Variants in SLC25A37 observed in about 807,000 individuals in gnomAD.
SLC25A37 encodes the protein mitoferrin-1.
Under a neutral mutation model 31.0 loss-of-function variants are expected in SLC25A37, and 17 were observed. The ratio of observed to expected loss-of-function variants is 0.55; its 90% CI spans 0.38 to 0.82. SLC25A37 has a LOEUF of 0.82. Ranked by LOEUF, SLC25A37 falls within the 40% of genes least tolerant of loss-of-function variation. SLC25A37 has a pLI of 0.00. For synonymous variants in SLC25A37, 222 were observed against 193.0 expected, an observed-to-expected ratio of 1.15 and a Z score of -1.24; for missense variants, 404 against 465.8, an observed-to-expected ratio of 0.87 and a Z score of 1.22.
chr8:23,550,631 G>T (rs565587456), intron 1 of SLC25A37, among the ~76,000 whole-genome samples: 1 of 152,222 alleles, frequency 6.6e-6, no homozygotes, highest in East Asian at 1.9e-4. Flanking sequence ...CAGCTTACGC[G>T]CAGCTAGGTG....
At chr8:23,567,098 G>A (rs1192756989) in intron 2 of SLC25A37, 1 of 152,130 alleles carries the variant, frequency 6.6e-6, no homozygotes, top group African/African-American at 2.4e-5. Context: ...ATTGTTTCTT[G>A]TTTGGGTTTG....
Position 23,529,257 on chromosome 8 carries a change from G to GCGCGCGCGCGCATTTGCATCC in SLC25A37, c.210+53_210+73dup. On this transcript the variant is annotated intron_variant, in intron 1 of 3. Transcript: ENST00000519973. The surrounding 1 kb of genome is among the most constrained non-coding windows in gnomAD (Gnocchi z 4.1). The stretch of plus-strand genomic sequence containing the variant: ...CGGGGACGCAACGAGCGGAGAAGGA[G>GCGCGCGCGCGCATTTGCATCC]CGCGCGCGCGCATTTGCATCCCGCG... 2 of 1,512,132 alleles carry GCGCGCGCGCGCATTTGCATCC rather than the reference G, an allele frequency of 1.3e-6. No homozygotes were observed. Among genetic ancestry groups the GCGCGCGCGCGCATTTGCATCC allele is most frequent in the South Asian group, 1.2e-5 (1 of 83,308 alleles). 93.7% of individuals were successfully genotyped at this position (1,512,132 alleles called of 1,614,324 possible). A position where few individuals can be genotyped will look rare whatever the true frequency, so the allele number is the denominator to read the frequency against.
At chr8:23,561,663 C>A (rs2942201) in intron 1 of SLC25A37, among the ~76,000 whole-genome samples, 66,689 of 152,084 alleles carry the variant, frequency 0.44, 14,874 homozygotes, top group African/African-American at 0.49. Context: ...CTCCATAGGT[C>A]ACCAGGGGTA....
chr8:23,550,892 G>C (rs1802206046), intron 1 of SLC25A37, among the ~76,000 whole-genome samples: 4 of 152,212 alleles, frequency 2.6e-5, no homozygotes, highest in Admixed American at 2.6e-4. Flanking sequence ...TGGAGCATGG[G>C]CTTCTTGGTG....
rs372281284 is a variant in SLC25A37, at chr8:23,540,039, A to G, written c.210+10827A>G. 1.9e-3 allele frequency among the ~76,000 whole-genome samples: 284 copies of G among 152,324 alleles called. 12 individuals carry two copies. The South Asian group carries it at 0.053, about 28-fold the overall frequency. ...TGTTATTTCTAAAAGTATTACTTCA[A>G]TGCCTGGGTATGTTTATATATTGCT... On this transcript the variant is annotated intron_variant, in intron 1 of 3. Coordinates refer to ENST00000519973, the MANE Select transcript of SLC25A37 (RefSeq NM_016612.4).
At chr8:23,569,917 G>C (rs1802775847) in intron 3 of SLC25A37, among the ~76,000 whole-genome samples, 1 of 152,182 alleles carries the variant, frequency 6.6e-6, no homozygotes, top group Admixed American at 6.5e-5. Context: ...CTGGCCAGAA[G>C]GGAGAATTGG....
intron 1 of SLC25A37, among the ~76,000 whole-genome samples, chr8:23,557,018 T>C (rs981136179): frequency 6.6e-6 from 1 of 152,112 alleles, no homozygotes; most frequent in African/African-American, 2.4e-5. Context: ...ACCTGGCTAA[T>C]TTTTATATTT....
chr8:23,529,227 GACTT>G lies in SLC25A37; in HGVS notation c.210+16_210+19del. On this transcript the variant is annotated intron_variant, in intron 1 of 3. Transcript: ENST00000519973. This position sits in a 1 kb window ranked among gnomAD's most constrained non-coding sequence, Gnocchi z 4.1. ...ACTCGGTGAAGGTGAGGCGCGGGGA[GACTT>G]CGGGGACGCAACGAGCGGAGAAGGA... is the stretch of plus-strand genomic sequence containing the variant. The G allele has an allele frequency of 6.3e-7, 1 of 1,597,926 alleles. No individual in the cohort carries two copies. Among genetic ancestry groups the G allele is most frequent in the Non-Finnish European group, 8.5e-7 (1 of 1,173,072 alleles).
At chr8:23,543,129 T>C (rs2117400248) in intron 1 of SLC25A37, 1 of 152,190 alleles carries the variant, frequency 6.6e-6, no homozygotes, top group East Asian at 1.9e-4. Context: ...AGTGCAGTGT[T>C]GAGATCATAG....
chr8:23,543,493 A>G (rs1801953571), intron 1 of SLC25A37, among the ~76,000 whole-genome samples: 2 of 152,170 alleles, frequency 1.3e-5, no homozygotes, highest in African/African-American at 2.4e-5. Flanking sequence ...TTTACTCACC[A>G]CCACTCACTT....
intron 1 of SLC25A37, among the ~76,000 whole-genome samples, chr8:23,546,294 C>G (rs908048379): frequency 6.6e-6 from 1 of 151,760 alleles, no homozygotes; most frequent in Non-Finnish European, 1.5e-5. Flanking sequence ...GAGCAAGATC[C>G]TGTCTCTAAA....
In SLC25A37 at chr8:23,572,017, C is replaced by A; in HGVS notation, c.*162C>A. Reference sequence around the variant, plus strand: ...AGGAGGGGACGGCACGGCCGCTCACCGGAAGGCTGTGTGCGGGGACATCCG... The same window carrying A: ...AGGAGGGGACGGCACGGCCGCTCACAGGAAGGCTGTGTGCGGGGACATCCG... On this transcript the variant is annotated 3_prime_UTR_variant, in exon 4 of 4. Transcript: ENST00000519973. 1 of 781,258 alleles carries A rather than the reference C, an allele frequency of 1.3e-6. No individual in the cohort carries two copies. Among genetic ancestry groups the A allele is most frequent in the Non-Finnish European group, 2.0e-6 (1 of 497,056 alleles). 48.4% of individuals were successfully genotyped at this position (781,258 alleles called of 1,614,324 possible).
intron 1 of SLC25A37, among the ~76,000 whole-genome samples, chr8:23,565,409 G>A (rs1041592282): frequency 2.0e-5 from 3 of 151,798 alleles, no homozygotes; most frequent in East Asian, 1.9e-4. Context: ...TTATGCATAC[G>A]AAGAAATTAA....
chr8:23,573,938 T>G lies in SLC25A37; in HGVS notation c.*2083T>G, dbSNP rs755663269. ...TCTCCGCTCTCAACCTGCCTTGGGT[T>G]CGTGTTAAATGGTGTTAAATTCTGC... On this transcript the variant is annotated 3_prime_UTR_variant, in exon 4 of 4. Coordinates refer to ENST00000519973, the MANE Select transcript of SLC25A37 (RefSeq NM_016612.4). The G allele has an allele frequency of 6.9e-6, 3 of 433,026 alleles. No individual in the cohort carries two copies. The highest frequency in any genetic ancestry group is 2.0e-5 in the African/African-American group (1 of 49,606). The allele number at this position is 433,026 out of a possible 1,614,324, so 26.8% of individuals were successfully genotyped here.
rs1375174341 is a variant in SLC25A37 at position 23,573,936 on chromosome 8, G to A, written c.*2081G>A. On this transcript the variant is annotated 3_prime_UTR_variant, in exon 4 of 4. Coordinates refer to ENST00000519973, the MANE Select transcript of SLC25A37 (RefSeq NM_016612.4). ...CATCTCCGCTCTCAACCTGCCTTGGGTTCGTGTTAAATGGTGTTAAATTCT... is the reference window on the plus strand; with the variant it reads ...CATCTCCGCTCTCAACCTGCCTTGGATTCGTGTTAAATGGTGTTAAATTCT... The A allele has an allele frequency of 2.3e-6, 1 of 437,504 alleles. No homozygotes were observed. The highest frequency in any genetic ancestry group is 2.0e-5 in the African/African-American group (1 of 49,732). 27.1% of individuals were successfully genotyped at this position (437,504 alleles called of 1,614,324 possible).
At chr8:23,556,614 ATGTATATATGTG>A (rs1405852565) in intron 1 of SLC25A37, among the ~76,000 whole-genome samples, 2 of 151,970 alleles carry the variant, frequency 1.3e-5, no homozygotes, top group African/African-American at 2.4e-5. Flanking sequence ...ATGTGTGTAT[ATGTATATATGTG>A]TGTATATATG....
intron 1 of SLC25A37, among the ~76,000 whole-genome samples, chr8:23,539,663 A>G (rs1392394051): frequency 6.6e-6 from 1 of 152,222 alleles, no homozygotes; most frequent in Non-Finnish European, 1.5e-5. Context: ...TTGTGAATCT[A>G]GACTAGTGTC....
At position 23,571,931 on chromosome 8, in the gene SLC25A37, G is replaced by T. The variant is rs1357498599; in HGVS notation, c.*76G>T. ...GCCCCTTGCCCTCTCCTCACACGTAGATCATTTTTTTTTTGCAGGGTGCTG... is the reference window on the plus strand; with the variant it reads ...GCCCCTTGCCCTCTCCTCACACGTATATCATTTTTTTTTTGCAGGGTGCTG... On this transcript the variant is annotated 3_prime_UTR_variant, in exon 4 of 4. Coordinates refer to ENST00000519973, the MANE Select transcript of SLC25A37 (RefSeq NM_016612.4). 1.4e-6 allele frequency: 2 copies of T among 1,465,672 alleles called. No individual in the cohort carries two copies. Among genetic ancestry groups the T allele is most frequent in the East Asian group, 4.7e-5 (2 of 42,868 alleles). The allele number at this position is 1,465,672 out of a possible 1,614,324, so 90.8% of individuals were successfully genotyped here. A position where few individuals can be genotyped will look rare whatever the true frequency, so the allele number is the denominator to read the frequency against.
chr8:23,539,025 T>C (rs1189052600), intron 1 of SLC25A37, among the ~76,000 whole-genome samples: 3 of 152,178 alleles, frequency 2.0e-5, no homozygotes, highest in Admixed American at 6.5e-5. Flanking sequence ...GAGGCTCAAG[T>C]TGGCTCACAG....
Sources: gnomAD v4.1 joint callset for allele counts (sites outside exome capture counted in the v4.1 genomes callset) on GRCh38, gnomAD v4.1.1 for gene constraint, Gnocchi (gnomAD v3.1) non-coding constraint, MANE v1.5 for transcripts, NCBI Gene and HGNC (gene_info 2026-07-23, HGNC 2026-07-21) for gene names.